SAP130: variants seen among roughly 807,000 people sequenced by gnomAD.
SAP130 encodes Sin3A associated protein 130.
A neutral mutation model predicts 103.2 loss-of-function variants in SAP130; 16 were observed. That is an observed-to-expected ratio of 0.16 (90% CI 0.10 to 0.24). The LOEUF is 0.24. Among genes scored for constraint, SAP130 ranks in the 10% least tolerant of loss-of-function variants. SAP130 has a pLI of 1.00. For missense variants in SAP130, 990 were observed against 1,359.7 expected (o/e 0.73, Z 4.28); for synonymous variants, 477 against 497.0 (o/e 0.96, Z 0.53).
intron 1 of SAP130, among the ~76,000 whole-genome samples, chr2:128,026,800 G>A (rs1685527038): frequency 6.6e-6 from 1 of 152,176 alleles, no homozygotes; most frequent in Non-Finnish European, 1.5e-5. Context: ...AATGCTTTTC[G>A]GCAAAGGCCT....
chr2:127,942,400 A>G lies in SAP130; in HGVS notation c.3015+24T>C. 1 of 1,501,746 alleles carries G rather than the reference A, an allele frequency of 6.7e-7. No homozygotes were observed. Among genetic ancestry groups the G allele is most frequent in the Non-Finnish European group, 9.3e-7 (1 of 1,077,878 alleles). The allele number at this position is 1,501,746 out of a possible 1,614,324, so 93.0% of individuals were successfully genotyped here. A position where few individuals can be genotyped will look rare whatever the true frequency, so the allele number is the denominator to read the frequency against. On this transcript the variant is annotated intron_variant, in intron 20 of 20. Transcript: ENST00000643581. The surrounding 1 kb of genome is among the most constrained non-coding windows in gnomAD (Gnocchi z 4.8). ...AAGCAACTTCATAAAGTAGATGATC[A>G]GAAGGGAAGGGGCGCACTCAAACCT...
At chr2:128,014,753 A>T in intron 5 of SAP130, 50 bp downstream of exon 5, 1 of 1,282,106 alleles carries the variant, frequency 7.8e-7, no homozygotes, top group Middle Eastern at 1.9e-4. Context: ...TACCAAATGT[A>T]TATCTACTAC....
At position 127,979,647 on chromosome 2, in the gene SAP130, T is replaced by C. The variant is rs559077488; in HGVS notation, c.1959-1558A>G. On this transcript the variant is annotated intron_variant, in intron 14 of 20. Transcript: ENST00000643581. ...TTCAGACCATTGGAAACCTGAACAATGACTGGCTATTTGATATTAAGGGGT... is the reference window on the plus strand; with the variant it reads ...TTCAGACCATTGGAAACCTGAACAACGACTGGCTATTTGATATTAAGGGGT... 2.0e-5 allele frequency among the ~76,000 whole-genome samples: 3 copies of C among 152,300 alleles called. No individual in the cohort carries two copies. In the East Asian group the frequency reaches 5.8e-4, roughly 29 times the overall value.
chr2:128,023,167 G>C, intron 2 of SAP130, among the ~76,000 whole-genome samples: 1 of 151,970 alleles, frequency 6.6e-6, no homozygotes, highest in East Asian at 1.9e-4. Context: ...GCTAATTTTT[G>C]TATTTTTAGT....
chr2:128,008,725 G>A (rs1024458533), intron 7 of SAP130, among the ~76,000 whole-genome samples: 19 of 150,818 alleles, frequency 1.3e-4, no homozygotes, highest in Admixed American at 7.3e-4. Context: ...TCGCTCTGTT[G>A]CCCCAGCTGG....
chr2:128,021,148 T>C (rs1685125276), intron 2 of SAP130, among the ~76,000 whole-genome samples: 2 of 152,058 alleles, frequency 1.3e-5, no homozygotes, highest in Admixed American at 6.6e-5. Context: ...GTACAAGTGC[T>C]GGATGAAAAG....
chr2:127,945,432 A>G (rs1032649684), intron 19 of SAP130, 24 bp downstream of exon 19: 1 of 1,413,956 alleles, frequency 7.1e-7, no homozygotes, highest in African/African-American at 1.4e-5. Context: ...CAGCATGATG[A>G]ACAACTGCTA....
rs1678729122 is a variant in SAP130, at chr2:127,941,779, A to G, written c.*227T>C. 3.8e-6 allele frequency: 2 copies of G among 529,230 alleles called. No individual in the cohort carries two copies. Among genetic ancestry groups the G allele is most frequent in the African/African-American group, 4.0e-5 (2 of 50,184 alleles). The allele number at this position is 529,230 out of a possible 1,614,324, so 32.8% of individuals were successfully genotyped here. The stretch of plus-strand genomic sequence containing the variant: ...GCATCCGGAGTCACTTATGACACAG[A>G]TCAGGTTTAACAGGGGTGCACCCGA... On this transcript the variant is annotated 3_prime_UTR_variant, in exon 21 of 21. Coordinates refer to ENST00000643581, the MANE Select transcript of SAP130 (RefSeq NM_001330301.2).
In SAP130 at chr2:127,978,095, A is replaced by C; in HGVS notation, c.1959-6T>G. ...GGGTTTTCCGAACTGCCATTCTGAA[A>C]GAGACAAGAGACAAACCCGGAGAAC... On this transcript the variant is annotated splice_region_variant and splice_polypyrimidine_tract_variant and intron_variant, in intron 14 of 20. Transcript: ENST00000643581. The C allele has an allele frequency of 6.5e-7, 1 of 1,547,106 alleles. No individual in the cohort carries two copies. Among genetic ancestry groups the C allele is most frequent in the Admixed American group, 2.0e-5 (1 of 51,002 alleles).
At chr2:127,979,150 G>C (rs1391429163) in intron 14 of SAP130, among the ~76,000 whole-genome samples, 1 of 152,192 alleles carries the variant, frequency 6.6e-6, no homozygotes, top group Non-Finnish European at 1.5e-5. Flanking sequence ...AGGGAGATTT[G>C]AGACACAGGT....
At chr2:127,951,062 G>A (rs1015222443) in intron 16 of SAP130, among the ~76,000 whole-genome samples, 3 of 152,162 alleles carry the variant, frequency 2.0e-5, no homozygotes, top group African/African-American at 7.2e-5. Flanking sequence ...AAAATCATCT[G>A]AATAAGTAGG....
chr2:128,000,012 C>T, intron 9 of SAP130, 44 bp downstream of exon 9: 1 of 1,580,402 alleles, frequency 6.3e-7, no homozygotes, highest in South Asian at 1.1e-5. Context: ...TCACTCTTGC[C>T]TCCTTTTTCC....
intron 11 of SAP130, among the ~76,000 whole-genome samples, chr2:127,994,750 C>G (rs1189305142): frequency 6.6e-6 from 1 of 152,136 alleles, no homozygotes; most frequent in Admixed American, 6.5e-5. Flanking sequence ...AGAGCAAGAT[C>G]CTGTCTCAAA....
chr2:127,974,501 A>T (rs1681315118), intron 15 of SAP130, among the ~76,000 whole-genome samples: 1 of 152,126 alleles, frequency 6.6e-6, no homozygotes, highest in Non-Finnish European at 1.5e-5. Flanking sequence ...GACCATACAC[A>T]TGACAGTGGT....
intron 1 of SAP130, chr2:128,027,273 G>T: frequency 1.7e-6 from 2 of 1,154,462 alleles, no homozygotes; most frequent in Non-Finnish European, 2.1e-6. Context: ...CCACCCGGCC[G>T]CCGCTGTGCT....
intron 10 of SAP130, 81 bp downstream of exon 10, chr2:127,999,660 C>A: frequency 1.5e-5 from 9 of 588,200 alleles, no homozygotes; most frequent in Non-Finnish European, 2.3e-5. Flanking sequence ...AAAATCAATA[C>A]TAGCCATCAC....
chr2:127,941,802 C>T lies in SAP130; in HGVS notation c.*204G>A, dbSNP rs964396937. ...AGATCAGGTTTAACAGGGGTGCACC[C>T]GAACGCAAGAAGGCAGCTCACTATG... On this transcript the variant is annotated 3_prime_UTR_variant, in exon 21 of 21. Transcript: ENST00000643581. The T allele has an allele frequency of 2.3e-5, 13 of 565,094 alleles. No homozygotes were observed. The highest frequency in any genetic ancestry group is 7.8e-5 in the African/African-American group (4 of 51,406). 35.0% of individuals were successfully genotyped at this position (565,094 alleles called of 1,614,324 possible).
intron 1 of SAP130, among the ~76,000 whole-genome samples, chr2:128,026,607 G>T (rs1036994448): frequency 6.6e-6 from 1 of 152,166 alleles, no homozygotes; most frequent in African/African-American, 2.4e-5. Flanking sequence ...TTACCACAAT[G>T]CATGTGTATT....
At chr2:127,949,195 T>C (rs1679325792) in intron 18 of SAP130, among the ~76,000 whole-genome samples, 1 of 152,252 alleles carries the variant, frequency 6.6e-6, no homozygotes, top group South Asian at 2.1e-4. Context: ...ATGGGATTTA[T>C]GTAAGAGAAT....
Sources: gnomAD v4.1 joint callset for allele counts (sites outside exome capture counted in the v4.1 genomes callset) on GRCh38, gnomAD v4.1.1 for gene constraint, Gnocchi (gnomAD v3.1) non-coding constraint, MANE v1.5 for transcripts, NCBI Gene and HGNC (gene_info 2026-07-23, HGNC 2026-07-21) for gene names.